The following LYPD1 variants were observed in gnomAD, a reference collection of about 807,000 sequenced individuals.
LYPD1 encodes LY6/PLAUR domain containing 1.
LYPD1 carries 14 observed loss-of-function variants against 14.2 expected under a neutral mutation model. That is an observed-to-expected ratio of 0.99 (90% confidence interval 0.65 to 1.54). The LOEUF (loss-of-function observed/expected upper bound fraction) is 1.54, where lower values mean the gene tolerates loss of function less well. Ranked by LOEUF, LYPD1 falls within the 40% of genes most tolerant of loss-of-function variation. The probability of loss-of-function intolerance (pLI) is 0.00; values close to 1 mark genes in which losing one functional copy is unlikely to be tolerated. For missense variants in LYPD1, 165 were observed against 175.7 expected (o/e 0.94, Z 0.34); for synonymous variants, 85 against 70.6 (o/e 1.20, Z -1.02).
intron 2 of LYPD1, among the ~76,000 whole-genome samples, chr2:132,658,905 A>C (rs562494616): frequency 6.6e-5 from 10 of 152,312 alleles, no homozygotes; most frequent in Non-Finnish European, 1.2e-4. Flanking sequence ...GGCCAGTGGT[A>C]ACCTGGACCC....
At position 132,643,666 on chromosome 2, in the gene LYPD1, T is replaced by C. The variant is rs1420721272; in HGVS notation, c.*2379A>G. Among the ~76,000 whole-genome samples the C allele has an allele frequency of 3.9e-5, 6 of 152,198 alleles. No homozygotes were observed. Among genetic ancestry groups the C allele is most frequent in the African/African-American group, 1.2e-4 (5 of 41,432 alleles). ...AAGTATCTGAGACCACAGGTGTGTA[T>C]GTACCACCATGCCTGGCTAAGTTTT... On this transcript the variant is annotated 3_prime_UTR_variant, in exon 3 of 3. Coordinates refer to ENST00000397463, the MANE Select transcript of LYPD1 (RefSeq NM_144586.7).
chr2:132,645,648 C>T lies in LYPD1; in HGVS notation c.*397G>A. 2 of 1,573,360 alleles carry T rather than the reference C, an allele frequency of 1.3e-6. No individual in the cohort carries two copies. Among genetic ancestry groups the T allele is most frequent in the Non-Finnish European group, 1.7e-6 (2 of 1,161,684 alleles). On this transcript the variant is annotated 3_prime_UTR_variant, in exon 3 of 3. Coordinates refer to ENST00000397463, the MANE Select transcript of LYPD1 (RefSeq NM_144586.7). The stretch of plus-strand genomic sequence containing the variant: ...CCTTGAGTGGGAACTGGCCCTCCAG[C>T]CCTAAGAAAACGTCACTCTCACTCT...
chr2:132,661,292 G>A (rs1192879436), intron 2 of LYPD1, among the ~76,000 whole-genome samples: 1 of 152,214 alleles, frequency 6.6e-6, no homozygotes, highest in African/African-American at 2.4e-5. Flanking sequence ...AGAATGGACA[G>A]TCCAGTACAT....
chr2:132,663,528 AGCTTCCCAAAGT>A (rs1332540512), intron 2 of LYPD1, among the ~76,000 whole-genome samples: 3 of 152,158 alleles, frequency 2.0e-5, no homozygotes, highest in African/African-American at 7.2e-5. Context: ...ACCTACCTCA[AGCTTCCCAAAGT>A]GCTGGGATTA....
At position 132,666,306 on chromosome 2, in the gene LYPD1, T is replaced by C. The variant is rs537000748; in HGVS notation, c.190+2094A>G. ...GTGCTTTGGAGGTATAAGGCCCCCC[T>C]GGACATTGCTCTTTTGATGCAGAAA... On this transcript the variant is annotated intron_variant, in intron 2 of 2. Coordinates refer to ENST00000397463, the MANE Select transcript of LYPD1 (RefSeq NM_144586.7). 7.6e-4 allele frequency among the ~76,000 whole-genome samples: 116 copies of C among 152,318 alleles called. No individual in the cohort carries two copies. In the Middle Eastern group the frequency reaches 0.014, roughly 18 times the overall value.
At chr2:132,650,725 A>AC (rs1327710827) in intron 2 of LYPD1, among the ~76,000 whole-genome samples, 2 of 104,438 alleles carry the variant, frequency 1.9e-5, no homozygotes, top group African/African-American at 8.1e-5. Context: ...TAAAAAAAAA[A>AC]AACAAAAAAC....
chr2:132,646,315 G>C, intron 2 of LYPD1, 35 bp from the exon 3 acceptor site: 1 of 1,370,576 alleles, frequency 7.3e-7, no homozygotes, highest in Non-Finnish European at 9.6e-7. Context: ...GAGTTAACGT[G>C]CACCGGCAAA....
intron 2 of LYPD1, among the ~76,000 whole-genome samples, chr2:132,652,647 C>T (rs1438313592): frequency 2.0e-5 from 3 of 152,166 alleles, no homozygotes; most frequent in Admixed American, 1.3e-4. Context: ...CTGCCAAGAC[C>T]AAGTCATTTC....
Position 132,643,500 on chromosome 2 carries a change from G to C in LYPD1, c.*2545C>G, listed in dbSNP as rs1013958690. On this transcript the variant is annotated 3_prime_UTR_variant, in exon 3 of 3. Transcript: ENST00000397463. ...CAATTCTGGATGTGTGAATGTGGCT[G>C]TTTTTTCCTGGAGCATTTATTTATT... Among the ~76,000 whole-genome samples the C allele has an allele frequency of 6.6e-6, 1 of 152,152 alleles. No homozygotes were observed. The highest frequency in any genetic ancestry group is 1.5e-5 in the Non-Finnish European group (1 of 68,022).
At chr2:132,653,413 TA>T (rs1682430798) in intron 2 of LYPD1, among the ~76,000 whole-genome samples, 1 of 152,204 alleles carries the variant, frequency 6.6e-6, no homozygotes, top group African/African-American at 2.4e-5. Context: ...TCCAATCAGG[TA>T]AATACCCATG....
At chr2:132,656,090 T>C (rs2104910008) in intron 2 of LYPD1, among the ~76,000 whole-genome samples, 1 of 152,356 alleles carries the variant, frequency 6.6e-6, no homozygotes, top group South Asian at 2.1e-4. Flanking sequence ...CACTTTAACC[T>C]CTGCCCCAGT....
At chr2:132,666,008 G>A (rs1683249848) in intron 2 of LYPD1, among the ~76,000 whole-genome samples, 2 of 152,150 alleles carry the variant, frequency 1.3e-5, no homozygotes, top group South Asian at 4.2e-4. Flanking sequence ...TTTCTCTGGA[G>A]AGGAGATGTT....
chr2:132,669,867 C>G lies in LYPD1; in HGVS notation c.52+14G>C, dbSNP rs1248038038. 2.5e-6 allele frequency: 4 copies of G among 1,612,166 alleles called. No individual in the cohort carries two copies. Among genetic ancestry groups the G allele is most frequent in the Non-Finnish European group, 3.4e-6 (4 of 1,179,180 alleles). ...CGCACCTGGCCTCGGCTGCTGGCCT[C>G]TGGGTATTCTCACCTGGAAGCAAGA... On this transcript the variant is annotated intron_variant, in intron 1 of 2. Coordinates refer to ENST00000397463, the MANE Select transcript of LYPD1 (RefSeq NM_144586.7). The surrounding 1 kb of genome is among the most constrained non-coding windows in gnomAD (Gnocchi z 4.3).
In LYPD1 at chr2:132,670,142, C is replaced by A. The variant is rs1194193539; in HGVS notation, c.-210G>T. The A allele has an allele frequency of 1.4e-6, 2 of 1,381,070 alleles. No homozygotes were observed. The highest frequency in any genetic ancestry group is 3.0e-5 in the East Asian group (1 of 33,230). 85.6% of individuals were successfully genotyped at this position (1,381,070 alleles called of 1,614,324 possible). ...TCGGGCTCCCGGCTGCGGGTCTCTG[C>A]TCCTCCCGCTCGCGCTCCCGGGCCG... On this transcript the variant is annotated 5_prime_UTR_variant, in exon 1 of 3. Transcript: ENST00000397463. The surrounding 1 kb of genome is among the most constrained non-coding windows in gnomAD (Gnocchi z 4.5).
At chr2:132,659,793 G>T (rs1682821067) in intron 2 of LYPD1, among the ~76,000 whole-genome samples, 2 of 152,200 alleles carry the variant, frequency 1.3e-5, no homozygotes, top group Admixed American at 1.3e-4. Context: ...TCCCACTTTG[G>T]ATGTCTTCAC....
rs892596892 is a variant in LYPD1 at position 132,644,816 on chromosome 2, A to AT, written c.*1228dup. ...TACGCAAACAAACACCAATGAAAAC[A>AT]TTTTTTTAAAATTAACAGACATCAA... is the stretch of plus-strand genomic sequence containing the variant. On this transcript the variant is annotated 3_prime_UTR_variant, in exon 3 of 3. Transcript: ENST00000397463. 31 of 386,016 alleles carry AT rather than the reference A, an allele frequency of 8.0e-5. No homozygotes were observed. The highest frequency in any genetic ancestry group is 3.4e-4 in the Admixed American group (8 of 23,734). 23.9% of individuals were successfully genotyped at this position (386,016 alleles called of 1,614,324 possible).
Position 132,643,542 on chromosome 2 carries a change from T to C in LYPD1, c.*2503A>G, listed in dbSNP as rs1573715548. Among the ~76,000 whole-genome samples the C allele has an allele frequency of 6.6e-6, 1 of 152,174 alleles. No individual in the cohort carries two copies. Among genetic ancestry groups the C allele is most frequent in the Non-Finnish European group, 1.5e-5 (1 of 68,022 alleles). On this transcript the variant is annotated 3_prime_UTR_variant, in exon 3 of 3. Transcript: ENST00000397463. The stretch of plus-strand genomic sequence containing the variant: ...TTATTTATTGGTTTATTGAGACAGT[T>C]TCACTCTGTCAGCCAGGCTGGAGTG...
rs1471111864 is a variant in LYPD1 at position 132,643,718 on chromosome 2, C to T, written c.*2327G>A. ...CTTTTTTTGTAGAGATGGGGTCTTG[C>T]TATGTTGCCTAGGTGGGTCTCAAAT... is the stretch of plus-strand genomic sequence containing the variant. On this transcript the variant is annotated 3_prime_UTR_variant, in exon 3 of 3. Transcript: ENST00000397463. 6.6e-6 allele frequency among the ~76,000 whole-genome samples: 1 copy of T among 152,118 alleles called. No homozygotes were observed. Among genetic ancestry groups the T allele is most frequent in the Admixed American group, 6.5e-5 (1 of 15,282 alleles).
chr2:132,667,345 A>G (rs887107702), intron 2 of LYPD1, among the ~76,000 whole-genome samples: 3 of 152,174 alleles, frequency 2.0e-5, no homozygotes, highest in Admixed American at 6.5e-5. Context: ...CTGCTTTCCA[A>G]ATAACCATGA....
Sources: gnomAD v4.1 joint callset for allele counts (sites outside exome capture counted in the v4.1 genomes callset) on GRCh38, gnomAD v4.1.1 for gene constraint, Gnocchi (gnomAD v3.1) non-coding constraint, MANE v1.5 for transcripts, NCBI Gene and HGNC (gene_info 2026-07-23, HGNC 2026-07-21) for gene names.